Variants in CALN1 observed in about 807,000 individuals in gnomAD.
CALN1 encodes calneuron 1.
CALN1 carries 17 observed loss-of-function variants against 30.6 expected under a neutral mutation model. The observed-to-expected ratio is 0.56, with a 90% CI of 0.38 to 0.83. The LOEUF is 0.83. CALN1 is among the 40% of genes least tolerant of loss of function. The pLI, the probability that CALN1 is intolerant of heterozygous loss-of-function variation, is 0.00. For synonymous variants in CALN1, 156 were observed against 131.4 expected, an observed-to-expected ratio of 1.19 and a Z score of -1.28; for missense variants, 291 against 354.9, an observed-to-expected ratio of 0.82 and a Z score of 1.45.
intron 2 of CALN1, among the ~76,000 whole-genome samples, chr7:72,334,365 T>G (rs1801868495): frequency 6.6e-6 from 1 of 152,222 alleles, no homozygotes; most frequent in Admixed American, 6.5e-5. Flanking sequence ...TATCCCACCC[T>G]GGCTGGTGAC....
intron 5 of CALN1, among the ~76,000 whole-genome samples, chr7:71,843,444 C>A (rs1363227862): frequency 6.6e-6 from 1 of 151,972 alleles, no homozygotes; most frequent in Non-Finnish European, 1.5e-5. Flanking sequence ...CATAGTGAGA[C>A]CCTATCTCTA....
intron 5 of CALN1, among the ~76,000 whole-genome samples, chr7:71,931,556 C>T (rs763252816): frequency 6.6e-6 from 1 of 152,202 alleles, no homozygotes; most frequent in Non-Finnish European, 1.5e-5. Flanking sequence ...CATGCGCCAC[C>T]GCGCCCAGCT....
intron 3 of CALN1, among the ~76,000 whole-genome samples, chr7:72,230,422 A>G (rs921411222): frequency 3.4e-5 from 5 of 148,800 alleles, no homozygotes; most frequent in Non-Finnish European, 7.4e-5. Flanking sequence ...TGGGAGGATC[A>G]CCTGAGCCCA....
At chr7:72,395,663 G>A (rs923917792) in intron 2 of CALN1, among the ~76,000 whole-genome samples, 10 of 152,102 alleles carry the variant, frequency 6.6e-5, no homozygotes, top group African/African-American at 2.4e-4. Context: ...GCCAAGAGGT[G>A]GGGTCCAAGA....
At chr7:72,354,290 TGAGA>T (rs915786669) in intron 2 of CALN1, among the ~76,000 whole-genome samples, 10 of 152,174 alleles carry the variant, frequency 6.6e-5, no homozygotes, top group Non-Finnish European at 1.3e-4. Context: ...AAAACATTGC[TGAGA>T]GAGATTAAAG....
chr7:72,466,864 G>GAAAA, the CALN1 span, among the ~76,000 whole-genome samples: 2 of 33,162 alleles, frequency 6.0e-5, no homozygotes. Flanking sequence ...GAAAGAGAAA[G>GAAAA]AAAAAGAAAG....
chr7:72,261,661 C>CA (rs1354220022), intron 3 of CALN1, among the ~76,000 whole-genome samples: 1 of 152,102 alleles, frequency 6.6e-6, no homozygotes, highest in African/African-American at 2.4e-5. Flanking sequence ...TTCCTGGGCT[C>CA]AAGTAATCCT....
In CALN1 at chr7:71,810,354, G is replaced by C; in HGVS notation, c.640C>G (p.Gln214Glu). The change falls in exon 6 of 7, where the codon CAA becomes GAA. Residue 214 changes from glutamine (Q) to glutamate (E), a missense_variant. This residue lies in a region of CALN1 where 169 missense variants were observed against 251.7 expected (regional missense o/e 0.67). Coordinates refer to ENST00000395275, the MANE Select transcript of CALN1 (RefSeq NM_031468.4). ...CACCTACCTCCTTCAAACTCTGTTT[G>C]GCAGTTCCCCGAGGTCTCATTCAGG... ...ESLNETSGNC[Q>E]TEFEGVHSQK... 1 of 1,613,990 alleles carries C rather than the reference G, an allele frequency of 6.2e-7. No individual in the cohort carries two copies. The highest frequency in any genetic ancestry group is 8.5e-7 in the Non-Finnish European group (1 of 1,179,976).
intron 5 of CALN1, among the ~76,000 whole-genome samples, chr7:71,848,248 T>C (rs1790435358): frequency 7.2e-5 from 11 of 152,212 alleles, no homozygotes; most frequent in Admixed American, 7.2e-4. Flanking sequence ...AGTCAGAAGA[T>C]GGGATGATAA....
At chr7:71,902,721 A>C (rs1479365073) in intron 5 of CALN1, among the ~76,000 whole-genome samples, 1 of 152,204 alleles carries the variant, frequency 6.6e-6, no homozygotes, top group African/African-American at 2.4e-5. Flanking sequence ...CACTATTCAC[A>C]ATAGCAAAGA....
intron 4 of CALN1, among the ~76,000 whole-genome samples, chr7:72,048,838 T>C (rs1052836667): frequency 7.9e-5 from 12 of 151,648 alleles, no homozygotes; most frequent in Non-Finnish European, 1.8e-4. Context: ...GGTCTCACTG[T>C]GTTGCCCAGG....
At chr7:72,133,445 A>G (rs1449419898) in intron 3 of CALN1, among the ~76,000 whole-genome samples, 1 of 152,244 alleles carries the variant, frequency 6.6e-6, no homozygotes, top group African/African-American at 2.4e-5. Flanking sequence ...CTTACAGAAT[A>G]ATGCCAAAAA....
At chr7:71,940,254 C>T (rs1284774236) in intron 5 of CALN1, among the ~76,000 whole-genome samples, 1 of 152,146 alleles carries the variant, frequency 6.6e-6, no homozygotes, top group Non-Finnish European at 1.5e-5. Context: ...TTGTATTTTA[C>T]AGTTTATGAG....
the CALN1 span, among the ~76,000 whole-genome samples, chr7:72,485,509 T>C: frequency 3.3e-5 from 5 of 152,236 alleles, no homozygotes; most frequent in Non-Finnish European, 7.3e-5. Context: ...TGAAGAAAGT[T>C]TAAGTAGTGC....
chr7:72,465,566 C>T, the CALN1 span, among the ~76,000 whole-genome samples: 1 of 152,094 alleles, frequency 6.6e-6, no homozygotes, highest in East Asian at 1.9e-4. Context: ...TGGAAATTGA[C>T]CATGGAGCTC....
chr7:71,902,571 C>T (rs1466593957), intron 5 of CALN1, among the ~76,000 whole-genome samples: 2 of 152,100 alleles, frequency 1.3e-5, no homozygotes, highest in African/African-American at 4.8e-5. Flanking sequence ...TTATGGAAAA[C>T]AGTATGGAGA....
At chr7:72,060,683 T>G (rs920774242) in intron 4 of CALN1, among the ~76,000 whole-genome samples, 3 of 152,168 alleles carry the variant, frequency 2.0e-5, no homozygotes, top group Non-Finnish European at 4.4e-5. Flanking sequence ...AGATCCTTCA[T>G]AAATGGCTTG....
chr7:72,293,649 C>G (rs12532494), intron 2 of CALN1, among the ~76,000 whole-genome samples: 1 of 151,946 alleles, frequency 6.6e-6, no homozygotes, highest in African/African-American at 2.4e-5. Context: ...CAAAGTGACA[C>G]GTTTGGTATT....
intron 4 of CALN1, among the ~76,000 whole-genome samples, chr7:72,048,854 GTGCAGTGCCGTGCCATGATTATAGCTCTC>G (rs1802655036): frequency 6.6e-6 from 1 of 151,326 alleles, no homozygotes; most frequent in African/African-American, 2.4e-5. Flanking sequence ...CCAGGCTGGA[GTGCAGTGCCGTGCCATGATTATAGCTCTC>G]TGCAGCCACC....
Sources: gnomAD v4.1 joint callset for allele counts (sites outside exome capture counted in the v4.1 genomes callset) on GRCh38, gnomAD v4.1.1 for gene constraint, gnomAD v4.1.1 regional missense constraint, MANE v1.5 for transcripts, NCBI Gene and HGNC (gene_info 2026-07-23, HGNC 2026-07-21) for gene names.